RAP1A: variants seen among roughly 807,000 people sequenced by gnomAD.
RAP1A encodes the protein RAP1A, member of RAS oncogene family.
RAP1A carries 6 observed loss-of-function variants against 26.4 expected under a neutral mutation model. The observed-to-expected ratio is 0.23, with a 90% CI of 0.12 to 0.45. RAP1A has a LOEUF of 0.45. Among genes scored for constraint, RAP1A ranks in the 20% least tolerant of loss-of-function variants. The probability of loss-of-function intolerance (pLI) is 0.99; values close to 1 mark genes in which losing one functional copy is unlikely to be tolerated. For synonymous variants in RAP1A, 73 were observed against 79.4 expected, an observed-to-expected ratio of 0.92 and a Z score of 0.43; for missense variants, 121 against 217.2, an observed-to-expected ratio of 0.56 and a Z score of 2.78.
intron 1 of RAP1A, among the ~76,000 whole-genome samples, chr1:111,647,869 C>G (rs1301645752): frequency 6.6e-6 from 1 of 152,082 alleles, no homozygotes; most frequent in Non-Finnish European, 1.5e-5. Flanking sequence ...AAGATCATAG[C>G]TTTTAGAATG....
intron 1 of RAP1A, among the ~76,000 whole-genome samples, chr1:111,622,153 CT>C (rs1277248064): frequency 6.6e-6 from 1 of 152,216 alleles, no homozygotes; most frequent in African/African-American, 2.4e-5. Context: ...GATCTTCCAG[CT>C]TCCACTCTTG....
intron 1 of RAP1A, among the ~76,000 whole-genome samples, chr1:111,546,919 C>A (rs768855184): frequency 6.6e-6 from 1 of 152,110 alleles, no homozygotes; most frequent in Non-Finnish European, 1.5e-5. Context: ...TTCTCCATAT[C>A]GTCACCAACA....
At chr1:111,653,683 CAAAAAAAAAAAAA>C (rs71099925) in intron 1 of RAP1A, among the ~76,000 whole-genome samples, 1 of 65,696 alleles carries the variant, frequency 1.5e-5, no homozygotes, top group South Asian at 5.2e-4. Flanking sequence ...AACTCTGTCT[CAAAAAAAAAAAAA>C]AAAAAAAAAA....
At chr1:111,601,390 A>G (rs1658668328) in intron 1 of RAP1A, among the ~76,000 whole-genome samples, 1 of 152,174 alleles carries the variant, frequency 6.6e-6, no homozygotes, top group Non-Finnish European at 1.5e-5. Flanking sequence ...GGAAGATGCC[A>G]AAGACCAGCT....
intron 1 of RAP1A, among the ~76,000 whole-genome samples, chr1:111,601,451 A>G (rs997220302): frequency 1.3e-5 from 2 of 152,234 alleles, no homozygotes; most frequent in Non-Finnish European, 1.5e-5. Context: ...AGGAGGACTA[A>G]GAGATTTTAC....
intron 1 of RAP1A, among the ~76,000 whole-genome samples, chr1:111,659,309 C>G (rs1306792153): frequency 6.6e-6 from 1 of 152,102 alleles, no homozygotes; most frequent in Non-Finnish European, 1.5e-5. Context: ...ACAATTCTAA[C>G]AATATACTTT....
At chr1:111,595,100 A>G (rs2101068532) in intron 1 of RAP1A, among the ~76,000 whole-genome samples, 1 of 152,356 alleles carries the variant, frequency 6.6e-6, no homozygotes, top group East Asian at 1.9e-4. Context: ...CCTAATAACC[A>G]ATACAGTTAA....
chr1:111,589,468 C>A (rs748915228), intron 1 of RAP1A, among the ~76,000 whole-genome samples: 11 of 152,048 alleles, frequency 7.2e-5, no homozygotes, highest in Non-Finnish European at 1.3e-4. Context: ...TACCTTTCAC[C>A]ATTATTCAGC....
intron 1 of RAP1A, among the ~76,000 whole-genome samples, chr1:111,682,251 A>T (rs1010636217): frequency 6.6e-6 from 1 of 152,228 alleles, no homozygotes; most frequent in Non-Finnish European, 1.5e-5. Flanking sequence ...ATACCAAAAT[A>T]TGAAGACCAA....
At chr1:111,546,958 G>A (rs944740670) in intron 1 of RAP1A, among the ~76,000 whole-genome samples, 1 of 152,042 alleles carries the variant, frequency 6.6e-6, no homozygotes, top group Non-Finnish European at 1.5e-5. Flanking sequence ...TTTTGTTTTG[G>A]TTTTTAATAA....
intron 1 of RAP1A, among the ~76,000 whole-genome samples, chr1:111,610,921 A>G (rs1658916361): frequency 6.6e-6 from 1 of 152,210 alleles, no homozygotes; most frequent in African/African-American, 2.4e-5. Context: ...TAAATGCGAA[A>G]GCAAATATTC....
chr1:111,675,073 T>G (rs1661083864), intron 1 of RAP1A, among the ~76,000 whole-genome samples: 1 of 152,234 alleles, frequency 6.6e-6, no homozygotes, highest in African/African-American at 2.4e-5. Context: ...TTTAATTCTT[T>G]AGTGTGTTTG....
chr1:111,543,337 A>G (rs1656913156), intron 1 of RAP1A, among the ~76,000 whole-genome samples: 1 of 152,142 alleles, frequency 6.6e-6, no homozygotes, highest in Non-Finnish European at 1.5e-5. Context: ...AGAGCAACTG[A>G]CAAATTTTAT....
Position 111,633,212 on chromosome 1 carries a change from A to AT in RAP1A, c.-28+13283dup, listed in dbSNP as rs916293684. 2.0e-5 allele frequency among the ~76,000 whole-genome samples: 3 copies of AT among 151,974 alleles called. 1 individual carries two copies. The highest frequency in any genetic ancestry group is 7.3e-5 in the African/African-American group (3 of 41,362). The stretch of plus-strand genomic sequence containing the variant: ...GGTATCCTCAAAGTGTTGGTTTTTA[A>AT]TTTTTCCTGGTGGATTTCTGTATGT... On this transcript the variant is annotated intron_variant, in intron 1 of 7. Coordinates refer to ENST00000369709, the MANE Select transcript of RAP1A (RefSeq NM_002884.4).
At chr1:111,626,232 A>T (rs1330026889) in intron 1 of RAP1A, among the ~76,000 whole-genome samples, 1 of 152,202 alleles carries the variant, frequency 6.6e-6, no homozygotes, top group Non-Finnish European at 1.5e-5. Context: ...CTTGTTTTCT[A>T]ACAGCTTATG....
chr1:111,661,877 C>G (rs993589504), intron 1 of RAP1A, among the ~76,000 whole-genome samples: 1 of 151,136 alleles, frequency 6.6e-6, no homozygotes, highest in East Asian at 1.9e-4. Context: ...GAATGACTTT[C>G]CCAACGTAAT....
chr1:111,673,021 C>T (rs1467317742), intron 1 of RAP1A, among the ~76,000 whole-genome samples: 1 of 152,162 alleles, frequency 6.6e-6, no homozygotes, highest in African/African-American at 2.4e-5. Context: ...GTGTATCCTC[C>T]TTACCTCTGT....
chr1:111,579,487 A>G (rs916888772), intron 1 of RAP1A, among the ~76,000 whole-genome samples: 3 of 152,190 alleles, frequency 2.0e-5, no homozygotes, highest in African/African-American at 7.2e-5. Flanking sequence ...ATCTCATTTA[A>G]TGTAACACTG....
At chr1:111,709,330 G>A in intron 7 of RAP1A, 66 bp downstream of exon 7, 2 of 1,433,852 alleles carry the variant, frequency 1.4e-6, no homozygotes, top group South Asian at 1.5e-5. Flanking sequence ...CCAGACTTTA[G>A]CTACTTCCCA....
Sources: gnomAD v4.1 joint callset for allele counts (sites outside exome capture counted in the v4.1 genomes callset) on GRCh38, gnomAD v4.1.1 for gene constraint, MANE v1.5 for transcripts, NCBI Gene and HGNC (gene_info 2026-07-23, HGNC 2026-07-21) for gene names.